PTPRC: variants seen among roughly 807,000 people sequenced by gnomAD.
PTPRC encodes the protein protein tyrosine phosphatase receptor type C, also known as receptor-type tyrosine-protein phosphatase C.
PTPRC carries 44 observed loss-of-function variants against 155.9 expected under a neutral mutation model. The ratio of observed to expected loss-of-function variants is 0.28; its 90% CI spans 0.22 to 0.36. The LOEUF (loss-of-function observed/expected upper bound fraction) is 0.36. PTPRC is among the 10% of genes least tolerant of loss of function. The probability of loss-of-function intolerance (pLI) is 1.00; values close to 1 mark genes in which losing one functional copy is unlikely to be tolerated. For synonymous variants in PTPRC, 525 were observed against 533.1 expected (o/e 0.98, Z 0.21); for missense variants, 1,401 against 1,564.6 (o/e 0.90, Z 1.76).
At chr1:198,718,528 A>G (rs766777753) in intron 14 of PTPRC, among the ~76,000 whole-genome samples, 62 of 152,350 alleles carry the variant, frequency 4.1e-4, no homozygotes, top group African/African-American at 1.1e-3. Context: ...TAGAACTTCA[A>G]TATGACTTAA....
chr1:198,646,400 C>T (rs1571775424), intron 2 of PTPRC, among the ~76,000 whole-genome samples: 1 of 151,736 alleles, frequency 6.6e-6, no homozygotes, highest in Admixed American at 6.6e-5. Context: ...TCTAAATTTT[C>T]CAAAACCATT....
Position 198,694,967 on chromosome 1 carries a change from G to T in PTPRC, c.101-1745G>T, listed in dbSNP as rs1287236266. On this transcript the variant is annotated intron_variant, in intron 3 of 32. Transcript: ENST00000442510. The stretch of plus-strand genomic sequence containing the variant: ...TGATGGATTTATTTGTGAGTTATTT[G>T]GTTATGAAAATCTAGAGATTGAAGT... 7.1e-6 allele frequency: 7 copies of T among 980,694 alleles called. No individual in the cohort carries two copies. The East Asian group carries it at 4.5e-4, about 64-fold the overall frequency. The allele number at this position is 980,694 out of a possible 1,614,324, so 60.7% of individuals were successfully genotyped here. A position where few individuals can be genotyped will look rare whatever the true frequency, so the allele number is the denominator to read the frequency against.
rs138481474 is a variant in PTPRC, at chr1:198,756,426, C to T, written c.*245C>T. ...CAGTAAAAAACAACTTCTTTGTAAT[C>T]GTTATGTGTGTATATGTATGTGTGT... On this transcript the variant is annotated 3_prime_UTR_variant, in exon 33 of 33. Coordinates refer to ENST00000442510, the MANE Select transcript of PTPRC (RefSeq NM_002838.5). The T allele has an allele frequency of 9.7e-4, 505 of 522,830 alleles. 1 individual carries two copies. The highest frequency in any genetic ancestry group is 8.6e-3 in the African/African-American group (448 of 52,122). The allele number at this position is 522,830 out of a possible 1,614,324, so 32.4% of individuals were successfully genotyped here.
Position 198,757,257 on chromosome 1 carries a change from C to T in PTPRC, c.*1076C>T, listed in dbSNP as rs1353647987. On this transcript the variant is annotated 3_prime_UTR_variant, in exon 33 of 33. Coordinates refer to ENST00000442510, the MANE Select transcript of PTPRC (RefSeq NM_002838.5). ...GGATGTCGCTAATCATAATAAAATT[C>T]AACCATTATTTTTTTCTTGTTTATA... 2.6e-5 allele frequency: 4 copies of T among 151,744 alleles called. No individual in the cohort carries two copies. The highest frequency in any genetic ancestry group is 2.1e-4 in the South Asian group (1 of 4,824). The allele number at this position is 151,744 out of a possible 1,614,324, so 9.4% of individuals were successfully genotyped here. A position where few individuals can be genotyped will look rare whatever the true frequency, so the allele number is the denominator to read the frequency against.
intron 2 of PTPRC, among the ~76,000 whole-genome samples, chr1:198,658,643 C>T (rs1348203154): frequency 6.6e-6 from 1 of 152,084 alleles, no homozygotes; most frequent in Non-Finnish European, 1.5e-5. Context: ...CTTTCCTCTC[C>T]TCTCACCCCT....
At chr1:198,643,381 G>C (rs752504549) in intron 2 of PTPRC, among the ~76,000 whole-genome samples, 1 of 151,738 alleles carries the variant, frequency 6.6e-6, no homozygotes, top group Non-Finnish European at 1.5e-5. Flanking sequence ...ACAAAGGAAA[G>C]GAAAATTTTC....
chr1:198,681,033 A>G (rs1236081501), intron 2 of PTPRC, among the ~76,000 whole-genome samples: 1 of 152,208 alleles, frequency 6.6e-6, no homozygotes, highest in Non-Finnish European at 1.5e-5. Flanking sequence ...GGATTGTATA[A>G]GACAATGTAT....
Position 198,656,651 on chromosome 1 carries a change from T to C in PTPRC, c.73+17310T>C, listed in dbSNP as rs538272096. Among the ~76,000 whole-genome samples, 25 of 85,414 alleles carry C rather than the reference T, an allele frequency of 2.9e-4. No homozygotes were observed. In the East Asian group the frequency reaches 7.0e-3, roughly 24 times the overall value. The allele number at this position is 85,414 out of a possible 152,430, so 56.0% of individuals were successfully genotyped here. On this transcript the variant is annotated intron_variant, in intron 2 of 32. Transcript: ENST00000442510. The stretch of plus-strand genomic sequence containing the variant: ...CACAGGGCTACTAGTTTTTTGTTTT[T>C]TGTTTTTTTTTTTTTTGTCATACAT...
At position 198,709,949 on chromosome 1, in the gene PTPRC, T is replaced by A. The variant is rs886943067; in HGVS notation, c.1171+125T>A. Reference sequence around the variant, plus strand: ...TTGATACTTTTTAAGCATATGCTTTTTATTTCAATGAAGCGCAATTTATCT... The same window carrying A: ...TTGATACTTTTTAAGCATATGCTTTATATTTCAATGAAGCGCAATTTATCT... On this transcript the variant is annotated intron_variant, in intron 11 of 32. Coordinates refer to ENST00000442510, the MANE Select transcript of PTPRC (RefSeq NM_002838.5). 4 of 1,327,418 alleles carry A rather than the reference T, an allele frequency of 3.0e-6. No individual in the cohort carries two copies. In the Admixed American group the frequency reaches 9.1e-5, roughly 30 times the overall value. 82.2% of individuals were successfully genotyped at this position (1,327,418 alleles called of 1,614,324 possible). A position where few individuals can be genotyped will look rare whatever the true frequency, so the allele number is the denominator to read the frequency against.
intron 2 of PTPRC, among the ~76,000 whole-genome samples, chr1:198,672,424 T>C (rs1664696303): frequency 6.6e-6 from 1 of 152,174 alleles, no homozygotes; most frequent in Non-Finnish European, 1.5e-5. Flanking sequence ...GAGTTCCTTT[T>C]TTTTCTGTTA....
chr1:198,686,651 T>C (rs896795730), intron 2 of PTPRC, among the ~76,000 whole-genome samples: 1 of 152,216 alleles, frequency 6.6e-6, no homozygotes, highest in African/African-American at 2.4e-5. Context: ...TTTCCACACT[T>C]TCCCAGTATT....
At chr1:198,691,422 C>A (rs1665918580) in intron 2 of PTPRC, among the ~76,000 whole-genome samples, 1 of 152,052 alleles carries the variant, frequency 6.6e-6, no homozygotes, top group Non-Finnish European at 1.5e-5. Flanking sequence ...AAAGGATTTA[C>A]AAAGTCTTGG....
intron 12 of PTPRC, among the ~76,000 whole-genome samples, chr1:198,716,440 C>A (rs996285557): frequency 3.9e-5 from 6 of 152,160 alleles, no homozygotes; most frequent in Non-Finnish European, 1.5e-5. Flanking sequence ...ATTTTATGTA[C>A]CAAATTAATG....
intron 12 of PTPRC, among the ~76,000 whole-genome samples, chr1:198,713,715 T>C (rs1488981506): frequency 6.6e-6 from 1 of 152,210 alleles, no homozygotes; most frequent in Non-Finnish European, 1.5e-5. Flanking sequence ...CTAAATTGTT[T>C]GTAGAAAGTA....
At chr1:198,729,267 AGTCTC>A in intron 17 of PTPRC, 96 bp downstream of exon 17, 4 of 1,353,454 alleles carry the variant, frequency 3.0e-6, no homozygotes, top group South Asian at 1.7e-5. Context: ...TTTAAGACAG[AGTCTC>A]ATTCTGTCTC....
chr1:198,749,557 C>T lies in PTPRC; in HGVS notation c.3072+8C>T. The T allele has an allele frequency of 6.2e-7, 1 of 1,609,606 alleles. No homozygotes were observed. Among genetic ancestry groups the T allele is most frequent in the Non-Finnish European group, 8.5e-7 (1 of 1,177,192 alleles). The stretch of plus-strand genomic sequence containing the variant: ...AATGCATCTTTTATAATGGTAGGTA[C>T]TTAAATTGCCAAAACCCAAGATCCA... On this transcript the variant is annotated splice_region_variant and intron_variant, in intron 28 of 32. Coordinates refer to ENST00000442510, the MANE Select transcript of PTPRC (RefSeq NM_002838.5).
chr1:198,703,029 G>A (rs1446746606), intron 6 of PTPRC, among the ~76,000 whole-genome samples: 1 of 152,170 alleles, frequency 6.6e-6, no homozygotes, highest in Non-Finnish European at 1.5e-5. Flanking sequence ...AAAGGGAAAT[G>A]AATAGTCTGA....
In PTPRC at chr1:198,692,372, T is replaced by G. The variant is rs1202578917; in HGVS notation, c.99T>G (p.Thr33=). 1 of 1,479,606 alleles carries G rather than the reference T, an allele frequency of 6.8e-7. No individual in the cohort carries two copies. Among genetic ancestry groups the G allele is most frequent in the African/African-American group, 1.5e-5 (1 of 68,412 alleles). The allele number at this position is 1,479,606 out of a possible 1,614,324, so 91.7% of individuals were successfully genotyped here. A position where few individuals can be genotyped will look rare whatever the true frequency, so the allele number is the denominator to read the frequency against. The change falls in exon 3 of 33, where the codon ACT becomes ACG. Residue 33 remains threonine, a splice_region_variant and synonymous_variant. Transcript: ENST00000442510. ...GGCAAAGCCCAACACCTTCCCCCAC[T>G]GGTAAGAATTAATATTTATATTTTT... is the stretch of plus-strand genomic sequence containing the variant. The part of the protein sequence containing the change: ...VTGQSPTPSP[T]GLTTAKMPSV...
intron 22 of PTPRC, 23 bp downstream of exon 22, chr1:198,734,448 G>C: frequency 2.5e-6 from 4 of 1,601,274 alleles, no homozygotes; most frequent in African/African-American, 2.7e-5. Context: ...AAGATTCATA[G>C]TGTGGGTCTT....
Sources: allele counts gnomAD v4.1 joint callset (sites outside exome capture counted in the v4.1 genomes callset), GRCh38; gene constraint gnomAD v4.1.1; transcripts MANE v1.5; gene names NCBI Gene and HGNC (gene_info 2026-07-23, HGNC 2026-07-21).